The following DPYD variants were observed in gnomAD, a reference collection of about 807,000 sequenced individuals.
DPYD encodes the protein dihydropyrimidine dehydrogenase [NADP(+)].
DPYD carries 109 observed loss-of-function variants against 116.2 expected under a neutral mutation model. The observed-to-expected ratio is 0.94, with a 90% CI of 0.80 to 1.10. The LOEUF (loss-of-function observed/expected upper bound fraction) is 1.10, where lower values mean the gene tolerates loss of function less well. DPYD is among the 50% of genes least tolerant of loss of function. DPYD has a pLI of 0.00. For missense variants in DPYD, 1,302 were observed against 1,254.5 expected (o/e 1.04, Z -0.57); for synonymous variants, 440 against 432.0 (o/e 1.02, Z -0.23).
chr1:97,735,971 G>A (rs1475363254), intron 4 of DPYD, among the ~76,000 whole-genome samples: 3 of 151,648 alleles, frequency 2.0e-5, no homozygotes, highest in African/African-American at 7.3e-5. Context: ...GAGTCATTGA[G>A]AACAAAGTAA....
rs567156406 is a variant in DPYD, at chr1:97,385,280, C to CA, written c.1906-2820dup. Among the ~76,000 whole-genome samples, 10 of 48,940 alleles carry CA rather than the reference C, an allele frequency of 2.0e-4. 2 individuals are homozygous for CA. Among genetic ancestry groups the CA allele is most frequent in the African/African-American group, 6.4e-4 (5 of 7,872 alleles). 32.1% of individuals were successfully genotyped at this position (48,940 alleles called of 152,430 possible). A position where few individuals can be genotyped will look rare whatever the true frequency, so the allele number is the denominator to read the frequency against. On this transcript the variant is annotated intron_variant, in intron 14 of 22. Coordinates refer to ENST00000370192, the MANE Select transcript of DPYD (RefSeq NM_000110.4). The stretch of plus-strand genomic sequence containing the variant: ...TACCTCTTGGTGTAGGCATTCCTTG[C>CA]AAAAAAAAAAAAAAAAAAAAAAAAA...
At chr1:97,633,661 T>G (rs74796875) in intron 8 of DPYD, among the ~76,000 whole-genome samples, 12,450 of 152,020 alleles carry the variant, frequency 0.082, 719 homozygotes, top group Middle Eastern at 0.14. Context: ...AAAAGCTAGG[T>G]AAGAGAAAAG....
chr1:97,378,501 C>A (rs990128651), intron 15 of DPYD, among the ~76,000 whole-genome samples: 5 of 152,106 alleles, frequency 3.3e-5, no homozygotes, highest in Non-Finnish European at 5.9e-5. Context: ...TTCTGCTGGA[C>A]CTTCCTTGTC....
rs1648959665 is a variant in DPYD at position 97,078,851 on chromosome 1, T to C, written c.*125A>G. 1 of 1,157,768 alleles carries C rather than the reference T, an allele frequency of 8.6e-7. No individual in the cohort carries two copies. The highest frequency in any genetic ancestry group is 1.3e-6 in the Non-Finnish European group (1 of 789,032). 71.7% of individuals were successfully genotyped at this position (1,157,768 alleles called of 1,614,324 possible). ...CTTACAAATGTATTTTGAAATTACA[T>C]ATTTTTATTTAGAAAATGTATATTT... On this transcript the variant is annotated 3_prime_UTR_variant, in exon 23 of 23. Coordinates refer to ENST00000370192, the MANE Select transcript of DPYD (RefSeq NM_000110.4).
intron 18 of DPYD, among the ~76,000 whole-genome samples, chr1:97,293,337 G>A (rs1056508115): frequency 6.6e-6 from 1 of 152,180 alleles, no homozygotes; most frequent in Non-Finnish European, 1.5e-5. Flanking sequence ...AGAAGGGGCA[G>A]CTGAAGCACA....
chr1:97,698,843 T>C (rs1034885025), intron 6 of DPYD, among the ~76,000 whole-genome samples: 12 of 152,068 alleles, frequency 7.9e-5, no homozygotes, highest in Non-Finnish European at 1.0e-4. Flanking sequence ...AATATGATCA[T>C]GTGATTTTAA....
chr1:97,539,528 C>T lies in DPYD; in HGVS notation c.1524+10032G>A, dbSNP rs76105829. Among the ~76,000 whole-genome samples the T allele has an allele frequency of 4.9e-3, 750 of 152,178 alleles. 10 individuals carry two copies. Among genetic ancestry groups the T allele is most frequent in the African/African-American group, 0.018 (727 of 41,520 alleles). ...TCTACCACAACTGCTTTTGTAGCAG[C>T]AACATGTACATTTAGTTGTTCCCTT... On this transcript the variant is annotated intron_variant, in intron 12 of 22. Coordinates refer to ENST00000370192, the MANE Select transcript of DPYD (RefSeq NM_000110.4).
intron 19 of DPYD, 117 bp from the exon 20 acceptor site, chr1:97,193,365 T>C (rs572759669): frequency 9.3e-7 from 1 of 1,077,500 alleles, no homozygotes; most frequent in African/African-American, 1.6e-5. Context: ...GTTTGAGGCA[T>C]GATGGATCAG....
rs1232577792 is a variant in DPYD at position 97,323,507 on chromosome 1, CAT to C, written c.2059-17212_2059-17211del. Reference sequence around the variant, plus strand: ...CACGTATATATACATATCATATGTACATATGTGTATATATACACATATATATA... The same window carrying C: ...CACGTATATATACATATCATATGTACATGTGTATATATACACATATATATA... On this transcript the variant is annotated intron_variant, in intron 16 of 22. Transcript: ENST00000370192. Among the ~76,000 whole-genome samples the C allele has an allele frequency of 7.9e-4, 39 of 49,386 alleles. 1 individual carries two copies. Among genetic ancestry groups the C allele is most frequent in the African/African-American group, 1.6e-3 (35 of 22,008 alleles). 32.4% of individuals were successfully genotyped at this position (49,386 alleles called of 152,430 possible).
At chr1:97,595,667 T>C (rs1471199656) in intron 8 of DPYD, among the ~76,000 whole-genome samples, 1 of 151,850 alleles carries the variant, frequency 6.6e-6, no homozygotes, top group East Asian at 1.9e-4. Flanking sequence ...TTAAAAAATA[T>C]AAATGAATTA....
intron 18 of DPYD, among the ~76,000 whole-genome samples, chr1:97,298,741 T>C (rs1666689282): frequency 6.6e-6 from 1 of 152,160 alleles, no homozygotes; most frequent in Admixed American, 6.6e-5. Context: ...TGGTGAGGAA[T>C]CTCATTCCAG....
intron 16 of DPYD, among the ~76,000 whole-genome samples, chr1:97,368,906 A>C: frequency 1.3e-5 from 2 of 152,314 alleles, no homozygotes; most frequent in South Asian, 4.1e-4. Flanking sequence ...TCTTGTCATT[A>C]TTTTAACAGA....
intron 14 of DPYD, among the ~76,000 whole-genome samples, chr1:97,396,568 G>A (rs941247665): frequency 5.3e-5 from 8 of 152,062 alleles, no homozygotes; most frequent in Non-Finnish European, 1.0e-4. Flanking sequence ...GAAAGAATGA[G>A]TGAGCAGGAA....
At chr1:97,156,661 T>C (rs1441482427) in intron 20 of DPYD, among the ~76,000 whole-genome samples, 1 of 152,170 alleles carries the variant, frequency 6.6e-6, no homozygotes, top group Non-Finnish European at 1.5e-5. Flanking sequence ...ACTTTTACAC[T>C]GTTGGTGGGA....
rs1037669573 is a variant in DPYD at position 97,829,432 on chromosome 1, A to T, written c.151-1236T>A. 3.9e-5 allele frequency among the ~76,000 whole-genome samples: 6 copies of T among 152,076 alleles called. 1 individual carries two copies. The stretch of plus-strand genomic sequence containing the variant: ...TTACCAAAATGAATCTACAATAATT[A>T]AAATTATATATTTTTCAAAAAGTCC... On this transcript the variant is annotated intron_variant, in intron 2 of 22. Coordinates refer to ENST00000370192, the MANE Select transcript of DPYD (RefSeq NM_000110.4).
At chr1:97,693,150 G>A (rs1287426190) in intron 6 of DPYD, among the ~76,000 whole-genome samples, 3 of 151,742 alleles carry the variant, frequency 2.0e-5, no homozygotes, top group Non-Finnish European at 4.4e-5. Context: ...AATTAGCCAG[G>A]CATAGTGGCG....
At chr1:97,105,414 A>G (rs1651065886) in intron 20 of DPYD, among the ~76,000 whole-genome samples, 1 of 152,120 alleles carries the variant, frequency 6.6e-6, no homozygotes, top group South Asian at 2.1e-4. Flanking sequence ...CATTGCTCCA[A>G]TCTAAATCCT....
At chr1:97,906,909 C>T (rs1673655375) in intron 1 of DPYD, among the ~76,000 whole-genome samples, 2 of 152,058 alleles carry the variant, frequency 1.3e-5, no homozygotes. Context: ...TTCTCTTTGG[C>T]ATATATGAAT....
At chr1:97,634,466 AAC>A (rs1442021753) in intron 8 of DPYD, among the ~76,000 whole-genome samples, 6 of 152,102 alleles carry the variant, frequency 3.9e-5, no homozygotes, top group Non-Finnish European at 7.4e-5. Context: ...TTAAATATAA[AAC>A]AACAGATTTG....
Sources: gnomAD v4.1 joint callset for allele counts (sites outside exome capture counted in the v4.1 genomes callset) on GRCh38, gnomAD v4.1.1 for gene constraint, MANE v1.5 for transcripts, NCBI Gene and HGNC (gene_info 2026-07-23, HGNC 2026-07-21) for gene names.